Variants in NPAS3 observed in about 807,000 individuals in gnomAD.
The protein encoded by NPAS3 is neuronal PAS domain-containing protein 3.
In NPAS3, 14 loss-of-function variants were observed where a neutral mutation model predicts 73.1. That is an observed-to-expected ratio of 0.19 (90% confidence interval 0.13 to 0.30). The LOEUF is 0.30. Among genes scored for constraint, NPAS3 ranks in the 10% least tolerant of loss-of-function variants. The pLI is 1.00. For synonymous variants in NPAS3, 620 were observed against 541.5 expected (o/e 1.14, Z -2.01); for missense variants, 1,096 against 1,250.0 (o/e 0.88, Z 1.86).
At chr14:33,537,168 G>A (rs2054294507) in intron 4 of NPAS3, among the ~76,000 whole-genome samples, 2 of 152,134 alleles carry the variant, frequency 1.3e-5, no homozygotes, top group Admixed American at 6.5e-5. Context: ...TTAATCTTCT[G>A]TGGCTAAAAT....
At chr14:33,685,708 T>G (rs1225081189) in intron 6 of NPAS3, among the ~76,000 whole-genome samples, 4 of 152,236 alleles carry the variant, frequency 2.6e-5, no homozygotes, top group African/African-American at 9.6e-5. Flanking sequence ...TATAACTTGT[T>G]GCAAATATTC....
At chr14:33,550,277 C>T (rs576899394) in intron 4 of NPAS3, among the ~76,000 whole-genome samples, 14 of 152,270 alleles carry the variant, frequency 9.2e-5, no homozygotes, top group African/African-American at 3.4e-4. Context: ...CCTCAGCCTC[C>T]CTAATAAGCA....
At chr14:33,057,326 G>C (rs554725749) in intron 2 of NPAS3, among the ~76,000 whole-genome samples, 16 of 151,850 alleles carry the variant, frequency 1.1e-4, no homozygotes, top group Middle Eastern at 3.4e-3. Flanking sequence ...AAAATTCTTT[G>C]TTATCTGTGA....
At chr14:33,424,539 G>C (rs1179267027) in intron 4 of NPAS3, among the ~76,000 whole-genome samples, 1 of 152,006 alleles carries the variant, frequency 6.6e-6, no homozygotes, top group African/African-American at 2.4e-5. Flanking sequence ...ATCCCCATGA[G>C]CCTGGGAATG....
At chr14:33,628,388 A>G (rs2058282024) in intron 5 of NPAS3, among the ~76,000 whole-genome samples, 1 of 152,246 alleles carries the variant, frequency 6.6e-6, no homozygotes, top group Non-Finnish European at 1.5e-5. Flanking sequence ...TGTAAAGTCA[A>G]TGAAGAAGGT....
chr14:33,770,378 C>T (rs899725091), intron 7 of NPAS3, among the ~76,000 whole-genome samples: 5 of 152,194 alleles, frequency 3.3e-5, no homozygotes, highest in Non-Finnish European at 5.9e-5. Context: ...GCAAGTGACT[C>T]TGTCACATAA....
At chr14:33,528,979 A>C (rs2140159108) in intron 4 of NPAS3, among the ~76,000 whole-genome samples, 1 of 152,244 alleles carries the variant, frequency 6.6e-6, no homozygotes, top group East Asian at 1.9e-4. Flanking sequence ...GAGGCATCCT[A>C]AATTCAAACC....
At chr14:33,776,499 C>T (rs146440129) in intron 8 of NPAS3, among the ~76,000 whole-genome samples, 58 of 103,878 alleles carry the variant, frequency 5.6e-4, no homozygotes, top group African/African-American at 2.2e-3. Context: ...CTGTGACCTG[C>T]TTTTGGCGTT....
At chr14:33,340,131 G>A (rs1454235972) in intron 3 of NPAS3, among the ~76,000 whole-genome samples, 4 of 152,186 alleles carry the variant, frequency 2.6e-5, no homozygotes, top group Non-Finnish European at 4.4e-5. Flanking sequence ...TTATTACACA[G>A]AGTGAGCTTA....
chr14:32,967,662 G>A (rs1404444940), intron 1 of NPAS3, among the ~76,000 whole-genome samples: 2 of 151,928 alleles, frequency 1.3e-5, no homozygotes, highest in East Asian at 1.9e-4. Flanking sequence ...GGTTTTAATG[G>A]CTATTATCAA....
Position 33,800,307 on chromosome 14 carries a change from A to G in NPAS3, c.2000A>G (p.Tyr667Cys). 6.2e-7 allele frequency: 1 copy of G among 1,613,124 alleles called. No individual in the cohort carries two copies. Among genetic ancestry groups the G allele is most frequent in the Non-Finnish European group, 8.5e-7 (1 of 1,179,568 alleles). The change falls in exon 12 of 12, where the codon TAC becomes TGC. Residue 667 changes from tyrosine to cysteine, a missense_variant. Tyr to Cys is a radical substitution (Grantham distance 194). Coordinates refer to ENST00000356141, the Ensembl canonical transcript of NPAS3. This position sits in a 1 kb window ranked among gnomAD's most constrained non-coding sequence, Gnocchi z 6.5. ...GACAATGACAGCAGCATCTGGAACT[A>G]CCCGCCCAACCGGGAGATCTCCAGG...
chr14:33,486,213 A>G (rs1459173558), intron 4 of NPAS3, among the ~76,000 whole-genome samples: 1 of 151,876 alleles, frequency 6.6e-6, no homozygotes, highest in Non-Finnish European at 1.5e-5. Flanking sequence ...AACACAAGTC[A>G]TAGAGAGAAA....
intron 5 of NPAS3, among the ~76,000 whole-genome samples, chr14:33,600,691 A>G (rs2057374783): frequency 6.6e-6 from 1 of 152,218 alleles, no homozygotes. Context: ...CAAACACAAG[A>G]TATATAAAGA....
chr14:33,479,353 CAG>C (rs986463445), intron 4 of NPAS3, among the ~76,000 whole-genome samples: 2 of 152,160 alleles, frequency 1.3e-5, no homozygotes, highest in African/African-American at 2.4e-5. Context: ...TCTCTACCAG[CAG>C]AGTGTAGACT....
intron 7 of NPAS3, among the ~76,000 whole-genome samples, chr14:33,745,147 G>A (rs1234846213): frequency 6.6e-6 from 1 of 152,134 alleles, no homozygotes; most frequent in Non-Finnish European, 1.5e-5. Context: ...TACTTAAGAG[G>A]CTGAGGCAGG....
intron 3 of NPAS3, among the ~76,000 whole-genome samples, chr14:33,350,960 G>T (rs1025777881): frequency 1.2e-4 from 18 of 152,156 alleles, no homozygotes; most frequent in Middle Eastern, 3.2e-3. Flanking sequence ...TCTGAGTTTT[G>T]TGGTTAAAGT....
intron 2 of NPAS3, among the ~76,000 whole-genome samples, chr14:33,075,553 GT>G (rs1222082873): frequency 1.3e-5 from 2 of 152,168 alleles, no homozygotes; most frequent in Non-Finnish European, 2.9e-5. Flanking sequence ...GATTAGCAGT[GT>G]TGTTGGCCTG....
chr14:33,561,284 G>T (rs553876572), intron 5 of NPAS3, among the ~76,000 whole-genome samples: 45 of 152,196 alleles, frequency 3.0e-4, no homozygotes, highest in Non-Finnish European at 4.4e-4. Flanking sequence ...AGTTTGCTGG[G>T]TAATAGCTAA....
At chr14:33,236,086 C>T (rs892391657) in intron 3 of NPAS3, among the ~76,000 whole-genome samples, 1 of 151,792 alleles carries the variant, frequency 6.6e-6, no homozygotes, top group Non-Finnish European at 1.5e-5. Flanking sequence ...ACACCCAGCC[C>T]CAGGGTTCAA....
Sources: gnomAD v4.1 joint callset for allele counts (sites outside exome capture counted in the v4.1 genomes callset) on GRCh38, gnomAD v4.1.1 for gene constraint, Gnocchi (gnomAD v3.1) non-coding constraint, MANE v1.5 for transcripts, NCBI Gene and HGNC (gene_info 2026-07-23, HGNC 2026-07-21) for gene names.